The following ISM2 variants were observed in gnomAD, a reference collection of about 807,000 sequenced individuals.
ISM2 encodes the protein isthmin-2.
ISM2 carries 50 observed loss-of-function variants against 58.0 expected under a neutral mutation model. The ratio of observed to expected loss-of-function variants is 0.86; its 90% CI spans 0.69 to 1.09. The LOEUF is 1.09. Ranked by LOEUF, ISM2 falls within the 50% of genes least tolerant of loss-of-function variation. The pLI is 0.00. For synonymous variants in ISM2, 303 were observed against 312.4 expected (o/e 0.97, Z 0.32); for missense variants, 723 against 745.0 (o/e 0.97, Z 0.34).
intron 1 of ISM2, among the ~76,000 whole-genome samples, chr14:77,495,259 C>T (rs958945308): frequency 6.6e-6 from 1 of 152,094 alleles, no homozygotes; most frequent in Admixed American, 6.6e-5. Flanking sequence ...GGGACCAGAA[C>T]TCCAAGGCCT....
Position 77,478,728 on chromosome 14 carries a change from A to G in ISM2, c.974-13T>C, listed in dbSNP as rs114065357. 1.6e-3 allele frequency: 2,568 copies of G among 1,606,654 alleles called. 33 individuals carry two copies. In the African/African-American group the frequency reaches 0.03, roughly 19 times the overall value. On this transcript the variant is annotated splice_polypyrimidine_tract_variant and intron_variant, in intron 4 of 6. Transcript: ENST00000342219. ...TGAGGCTCATAGTCTGGGTTAAGACAGGGAGTTGGGGGTGAGTGCATATAG... is the reference window on the plus strand; with the variant it reads ...TGAGGCTCATAGTCTGGGTTAAGACGGGGAGTTGGGGGTGAGTGCATATAG...
chr14:77,479,307 C>T (rs2079117937), intron 4 of ISM2, among the ~76,000 whole-genome samples: 1 of 151,976 alleles, frequency 6.6e-6, no homozygotes, highest in Admixed American at 6.6e-5. Context: ...GTACCTTCGC[C>T]TCCCGGGTTC....
chr14:77,476,243 G>T, intron 6 of ISM2, 131 bp from the exon 7 acceptor site: 2 of 993,092 alleles, frequency 2.0e-6, no homozygotes, highest in Non-Finnish European at 2.9e-6. Context: ...GCGTGGCTTG[G>T]TAGGGCCTTG....
chr14:77,481,317 G>A (rs1456056502), intron 4 of ISM2, among the ~76,000 whole-genome samples: 4 of 151,408 alleles, frequency 2.6e-5, no homozygotes, highest in Non-Finnish European at 5.9e-5. Context: ...TCCAGCCTGG[G>A]CAACAGAGTG....
At position 77,498,779 on chromosome 14, in the gene ISM2, GCGGAGCGCACGCATCGTCT is replaced by G; in HGVS notation, c.-5_14del. On this transcript the variant is annotated start_lost and 5_prime_UTR_variant, in exon 1 of 7. Coordinates refer to ENST00000342219, the MANE Select transcript of ISM2 (RefSeq NM_199296.3). ...CGCAGAGGAGGAGCCCGGCTCGGTC[GCGGAGCGCACGCATCGTCT>G]CGGTTCCGAGGCTGCTCTGCCTGCA... 7.6e-6 allele frequency: 11 copies of G among 1,455,708 alleles called. No homozygotes were observed. Among genetic ancestry groups the G allele is most frequent in the Non-Finnish European group, 9.9e-6 (11 of 1,113,312 alleles). 90.2% of individuals were successfully genotyped at this position (1,455,708 alleles called of 1,614,324 possible).
At chr14:77,476,855 TGGCAAAG>T (rs2079101617) in intron 6 of ISM2, among the ~76,000 whole-genome samples, 1 of 152,064 alleles carries the variant, frequency 6.6e-6, no homozygotes, top group Non-Finnish European at 1.5e-5. Flanking sequence ...CTGGCCAACA[TGGCAAAG>T]TCCCGTCTCT....
intron 6 of ISM2, 143 bp downstream of exon 6, chr14:77,478,099 G>T: frequency 1.4e-6 from 1 of 715,904 alleles, no homozygotes. Flanking sequence ...AGGGCCCCCT[G>T]TTGGAGAAGC....
At chr14:77,477,029 C>T (rs530993359) in intron 6 of ISM2, among the ~76,000 whole-genome samples, 46 of 152,270 alleles carry the variant, frequency 3.0e-4, no homozygotes, top group African/African-American at 1.0e-3. Flanking sequence ...CAGAGCAAGA[C>T]TCTGTCTCAC....
rs185210603 is a variant in ISM2 at position 77,475,847 on chromosome 14, G to A, written c.1464C>T (p.Ala488=). 462 of 1,610,574 alleles carry A rather than the reference G, an allele frequency of 2.9e-4. 1 individual carries two copies. Among genetic ancestry groups the A allele is most frequent in the Non-Finnish European group, 3.5e-4 (415 of 1,179,784 alleles). The change falls in exon 7 of 7, where the codon GCC becomes GCT. Residue 488 remains alanine (A), a synonymous_variant. Coordinates refer to ENST00000342219, the MANE Select transcript of ISM2 (RefSeq NM_199296.3). The surrounding 1 kb of genome is among the most constrained non-coding windows in gnomAD (Gnocchi z 4.1). The part of the protein sequence containing the change: ...SMLSGESSTL[A]AQHCCYDEDS... ...CCTCGTCATAGCAGCAGTGCTGGGCGGCCAGTGTGCTGCTCTCCCCAGACA... is the reference window on the plus strand; with the variant it reads ...CCTCGTCATAGCAGCAGTGCTGGGCAGCCAGTGTGCTGCTCTCCCCAGACA...
chr14:77,481,651 C>T (rs936125542), intron 4 of ISM2, among the ~76,000 whole-genome samples: 5 of 152,226 alleles, frequency 3.3e-5, no homozygotes, highest in South Asian at 2.1e-4. Context: ...AAGTCACACA[C>T]ACAATCTGAA....
chr14:77,485,253 G>T (rs57574054), intron 1 of ISM2, among the ~76,000 whole-genome samples: 22,579 of 152,204 alleles, frequency 0.15, 1,788 homozygotes, highest in Admixed American at 0.21. Context: ...AGTTGTTTCA[G>T]AGAGTGGTGT....
At chr14:77,495,004 C>A (rs2079229885) in intron 1 of ISM2, among the ~76,000 whole-genome samples, 1 of 152,170 alleles carries the variant, frequency 6.6e-6, no homozygotes, top group Non-Finnish European at 1.5e-5. Context: ...CCACCTCAGC[C>A]TCCAGAGTAG....
Position 77,475,925 on chromosome 14 carries a change from G to T in ISM2, c.1386C>A (p.Arg462=). 1.9e-6 allele frequency: 3 copies of T among 1,600,108 alleles called. No individual in the cohort carries two copies. Among genetic ancestry groups the T allele is most frequent in the African/African-American group, 1.3e-5 (1 of 75,054 alleles). Residue 462 remains arginine (R), a synonymous_variant, in exon 7 of 7, where the codon CGC becomes CGA. Transcript: ENST00000342219. The surrounding 1 kb of genome is among the most constrained non-coding windows in gnomAD (Gnocchi z 4.1). The part of the protein sequence containing the change: ...SFRWRDASGP[R]ERLDIYQPTA... ...TGGGCTGGTAGATGTCCAGGCGCTC[G>T]CGAGGGCCACTGGCATCCCTCCACC... is the stretch of plus-strand genomic sequence containing the variant.
intron 1 of ISM2, among the ~76,000 whole-genome samples, chr14:77,495,129 A>T (rs956874882): frequency 6.6e-6 from 1 of 151,984 alleles, no homozygotes; most frequent in South Asian, 2.1e-4. Flanking sequence ...GGCTCAAGCA[A>T]TTCTCCCACC....
chr14:77,498,732 A>G lies in ISM2; in HGVS notation c.62T>C (p.Leu21Pro). 6.7e-7 allele frequency: 1 copy of G among 1,482,212 alleles called. No individual in the cohort carries two copies. Among genetic ancestry groups the G allele is most frequent in the Non-Finnish European group, 8.9e-7 (1 of 1,124,994 alleles). 91.8% of individuals were successfully genotyped at this position (1,482,212 alleles called of 1,614,324 possible). A position where few individuals can be genotyped will look rare whatever the true frequency, so the allele number is the denominator to read the frequency against. Residue 21 changes from leucine to proline, a missense_variant, in exon 1 of 7, where the codon CTG becomes CCG. Physicochemically the swap from Leu to Pro is moderately conservative, Grantham distance 98 (BLOSUM62 -3). Transcript: ENST00000342219. ...CACGGGGAGCCCTAGCGCCGCCTCC[A>G]GCAGCGCCGCCAGCAGCAGCACGCA... is the stretch of plus-strand genomic sequence containing the variant. ...LLCVLLLAALLEAALGLPVKK... is the reference protein window; with the variant it reads ...LLCVLLLAALPEAALGLPVKK...
chr14:77,476,533 G>A (rs2139952698), intron 6 of ISM2, among the ~76,000 whole-genome samples: 1 of 152,298 alleles, frequency 6.6e-6, no homozygotes, highest in South Asian at 2.1e-4. Flanking sequence ...GACCATTCTT[G>A]TTCTGAACGC....
intron 4 of ISM2, 66 bp from the exon 5 acceptor site, chr14:77,478,781 C>T (rs1443861071): frequency 3.9e-6 from 6 of 1,522,074 alleles, no homozygotes; most frequent in Non-Finnish European, 5.4e-6. Context: ...TACAAATCAG[C>T]ACAGGGCACC....
Position 77,484,921 on chromosome 14 carries a change from T to C in ISM2, c.142-2A>G. ...CCTAGGATCTGGGGAGGCTGAGACC[T>C]GAGGGAGAGAGAAGGAAGGTAAGGT... is the stretch of plus-strand genomic sequence containing the variant. On this transcript the variant is annotated splice_acceptor_variant, in intron 1 of 6. Transcript: ENST00000342219. LOFTEE classifies it high-confidence loss of function. The C allele has an allele frequency of 6.5e-7, 1 of 1,539,026 alleles. No homozygotes were observed. The highest frequency in any genetic ancestry group is 8.7e-7 in the Non-Finnish European group (1 of 1,145,182).
At chr14:77,486,701 G>C (rs899992550) in intron 1 of ISM2, among the ~76,000 whole-genome samples, 4 of 152,170 alleles carry the variant, frequency 2.6e-5, no homozygotes, top group Non-Finnish European at 5.9e-5. Context: ...CAGCCTTTTG[G>C]CTGATTGGGA....
Sources: allele counts gnomAD v4.1 joint callset (sites outside exome capture counted in the v4.1 genomes callset), GRCh38; gene constraint gnomAD v4.1.1; non-coding constraint Gnocchi (gnomAD v3.1); transcripts MANE v1.5; gene names NCBI Gene and HGNC (gene_info 2026-07-23, HGNC 2026-07-21).